Variants in MTIF2 observed in about 807,000 individuals in gnomAD.
MTIF2 encodes translation initiation factor IF-2, mitochondrial.
MTIF2 carries 71 observed loss-of-function variants against 83.5 expected under a neutral mutation model. That is an observed-to-expected ratio of 0.85 (90% confidence interval 0.70 to 1.04). The LOEUF (loss-of-function observed/expected upper bound fraction) is 1.04. Ranked by LOEUF, MTIF2 falls within the 50% of genes least tolerant of loss-of-function variation. The probability of loss-of-function intolerance (pLI) is 0.00; values close to 1 mark genes in which losing one functional copy is unlikely to be tolerated. For synonymous variants in MTIF2, 319 were observed against 287.1 expected, an observed-to-expected ratio of 1.11 and a Z score of -1.12; for missense variants, 957 against 846.5, an observed-to-expected ratio of 1.13 and a Z score of -1.62.
rs1221864323 is a variant in MTIF2 at position 55,252,546 on chromosome 2, C to T, written c.772G>A (p.Val258Ile). Residue 258 changes from valine to isoleucine, a missense_variant, in exon 8 of 16, where the codon GTT (valine) becomes ATT (isoleucine). Val to Ile is a conservative substitution (Grantham distance 29, BLOSUM62 3). This residue lies in a region of MTIF2 where 733 missense variants were observed against 648.7 expected (regional missense o/e 1.13). Coordinates refer to ENST00000263629, the MANE Select transcript of MTIF2 (RefSeq NM_002453.3). The stretch of plus-strand genomic sequence containing the variant: ...ATCACTCCATCATCTGCAGCTACAA[C>T]CAATACGACAATGTCAGTGACCTGA... ...GAQVTDIVVL[V>I]VAADDGVMKQ... The T allele has an allele frequency of 6.2e-7, 1 of 1,614,102 alleles. No homozygotes were observed. Among genetic ancestry groups the T allele is most frequent in the Non-Finnish European group, 8.5e-7 (1 of 1,179,974 alleles).
At chr2:55,253,504 C>T (rs755603761) in intron 7 of MTIF2, among the ~76,000 whole-genome samples, 3 of 151,912 alleles carry the variant, frequency 2.0e-5, no homozygotes, top group Non-Finnish European at 4.4e-5. Flanking sequence ...CATGGCAAAA[C>T]CCCGTCTCTA....
intron 3 of MTIF2, chr2:55,266,405 A>T (rs1678429672): frequency 6.6e-6 from 1 of 151,936 alleles, no homozygotes; most frequent in Admixed American, 6.6e-5. Context: ...ACATGCCTGT[A>T]GTCCCAGCTA....
intron 5 of MTIF2, among the ~76,000 whole-genome samples, chr2:55,255,913 G>A (rs1379878731): frequency 6.6e-6 from 1 of 151,258 alleles, no homozygotes; most frequent in African/African-American, 2.4e-5. Flanking sequence ...TTTCGCTTTT[G>A]TTACCCAGGC....
intron 9 of MTIF2, among the ~76,000 whole-genome samples, chr2:55,248,504 A>C (rs570599672): frequency 4.6e-5 from 7 of 152,196 alleles, no homozygotes; most frequent in Admixed American, 1.3e-4. Context: ...CGGACAAAAA[A>C]GGAAATTGTC....
At chr2:55,256,328 A>AAT (rs1553373594) in intron 5 of MTIF2, among the ~76,000 whole-genome samples, 7 of 138,668 alleles carry the variant, frequency 5.0e-5, no homozygotes, top group African/African-American at 1.5e-4. Context: ...ACACACACAC[A>AAT]ATATATATCT....
intron 3 of MTIF2, among the ~76,000 whole-genome samples, chr2:55,266,711 C>G (rs1415968172): frequency 1.4e-5 from 2 of 145,686 alleles, no homozygotes; most frequent in Non-Finnish European, 3.0e-5. Context: ...AATTAAGGCT[C>G]TGGACGGGTG....
intron 10 of MTIF2, among the ~76,000 whole-genome samples, 190 bp from the exon 11 acceptor site, chr2:55,244,423 A>C (rs779754999): frequency 2.0e-5 from 3 of 152,226 alleles, no homozygotes; most frequent in Non-Finnish European, 4.4e-5. Flanking sequence ...CTGCAATCCC[A>C]GCTATTCAGC....
Position 55,240,020 on chromosome 2 carries a change from G to C in MTIF2, c.1861C>G (p.His621Asp). The C allele has an allele frequency of 1.2e-6, 2 of 1,608,730 alleles. No individual in the cohort carries two copies. The highest frequency in any genetic ancestry group is 1.7e-6 in the Non-Finnish European group (2 of 1,176,984). ...SSRLPCAVEE[H>D]PVGEASILAT... ...TTCAGTGATCACTCACCTACTGGGT[G>C]CTCTTCCACAGCACAGGGTAATCTG... Residue 621 changes from histidine to aspartate, a missense_variant, in exon 14 of 16, where the codon CAC (histidine) becomes GAC (aspartate). This residue lies in a region of MTIF2 where 221 missense variants were observed against 180.6 expected (regional missense o/e 1.22). Coordinates refer to ENST00000263629, the MANE Select transcript of MTIF2 (RefSeq NM_002453.3).
In MTIF2 at chr2:55,244,008, T is replaced by C. The variant is rs1475691290; in HGVS notation, c.1311+21A>G. On this transcript the variant is annotated intron_variant, in intron 11 of 15. Coordinates refer to ENST00000263629, the MANE Select transcript of MTIF2 (RefSeq NM_002453.3). ...AAATCATTATATTATATCTAATATA[T>C]AGGAATTAAGCTTGATACACCTCAG... The C allele has an allele frequency of 3.2e-6, 5 of 1,576,076 alleles. No homozygotes were observed. In the East Asian group the frequency reaches 6.7e-5, roughly 21 times the overall value.
At chr2:55,265,877 T>A (rs1355593875) in intron 3 of MTIF2, among the ~76,000 whole-genome samples, 1 of 152,218 alleles carries the variant, frequency 6.6e-6, no homozygotes, top group African/African-American at 2.4e-5. Flanking sequence ...GATGGTTCTG[T>A]CTCTACTGAA....
In MTIF2 at chr2:55,250,837, C is replaced by T. The variant is rs574872027; in HGVS notation, c.842-1303G>A. The stretch of plus-strand genomic sequence containing the variant: ...CTATTACGAAAAAGTACATTCTGGC[C>T]GGGCACGGTGGCTCATACCTGTAAT... On this transcript the variant is annotated intron_variant, in intron 8 of 15. Transcript: ENST00000263629. 1.8e-4 allele frequency among the ~76,000 whole-genome samples: 28 copies of T among 152,088 alleles called. No homozygotes were observed. The South Asian group carries it at 2.5e-3, about 14-fold the overall frequency.
intron 3 of MTIF2, chr2:55,266,352 C>T (rs1363486715): frequency 2.6e-5 from 4 of 151,714 alleles, no homozygotes; most frequent in Non-Finnish European, 4.4e-5. Flanking sequence ...GGTGAAACCC[C>T]GTCTCTATTA....
chr2:55,268,182 G>A (rs1678578779), intron 2 of MTIF2, among the ~76,000 whole-genome samples: 1 of 152,178 alleles, frequency 6.6e-6, no homozygotes, highest in South Asian at 2.1e-4. Context: ...GAACCCAGGA[G>A]GCAGAGACTG....
chr2:55,247,201 A>G (rs534206765), intron 9 of MTIF2, among the ~76,000 whole-genome samples: 1 of 152,326 alleles, frequency 6.6e-6, no homozygotes, highest in East Asian at 1.9e-4. Flanking sequence ...ACTGATAGGC[A>G]AGGTATTTTT....
chr2:55,259,848 G>T (rs1442284155), intron 5 of MTIF2, among the ~76,000 whole-genome samples: 1 of 152,078 alleles, frequency 6.6e-6, no homozygotes, highest in Non-Finnish European at 1.5e-5. Context: ...GGAGGCTGAG[G>T]CACAAGAATT....
Position 55,246,475 on chromosome 2 carries a change from A to G in MTIF2, c.982-14T>C. On this transcript the variant is annotated splice_polypyrimidine_tract_variant and intron_variant, in intron 9 of 15. Transcript: ENST00000263629. ...CAGATTATCGCCCTTTAACAATAAC[A>G]AACGTTGTTAATACACATTAATAAA... 1 of 1,606,774 alleles carries G rather than the reference A, an allele frequency of 6.2e-7. No homozygotes were observed. Among genetic ancestry groups the G allele is most frequent in the Non-Finnish European group, 8.5e-7 (1 of 1,173,716 alleles).
Position 55,237,390 on chromosome 2 carries a change from C to T in MTIF2, c.1909G>A (p.Gly637Arg), listed in dbSNP as rs1333601688. ...SILATFSVTE[G>R]KKKVPVAGCR... is the part of the protein sequence containing the mutation. ...CCAGCCACAGGAACTTTTTTCTTCC[C>T]TTCTGTTACAGAGAAGGTAGCTAGT... Residue 637 changes from glycine to arginine, a missense_variant, in exon 15 of 16, where the codon GGG (glycine) becomes AGG (arginine). Physicochemically the swap from Gly to Arg is moderately radical, Grantham distance 125. Around this residue, in one of 3 missense-constraint regions of MTIF2, gnomAD observed 221 missense variants for 180.6 expected, o/e 1.22. Coordinates refer to ENST00000263629, the MANE Select transcript of MTIF2 (RefSeq NM_002453.3). 2 of 1,612,746 alleles carry T rather than the reference C, an allele frequency of 1.2e-6. No individual in the cohort carries two copies. Among genetic ancestry groups the T allele is most frequent in the Non-Finnish European group, 1.7e-6 (2 of 1,179,912 alleles).
At chr2:55,257,899 C>A (rs908076405) in intron 5 of MTIF2, among the ~76,000 whole-genome samples, 1 of 152,144 alleles carries the variant, frequency 6.6e-6, no homozygotes, top group Non-Finnish European at 1.5e-5. Context: ...AGGCAGTCCT[C>A]CCACCTCAGC....
intron 14 of MTIF2, among the ~76,000 whole-genome samples, chr2:55,239,320 C>A (rs1676128042): frequency 6.6e-6 from 1 of 152,124 alleles, no homozygotes; most frequent in Non-Finnish European, 1.5e-5. Context: ...CACTATATCT[C>A]AAACATTTTC....
Sources: allele counts gnomAD v4.1 joint callset (sites outside exome capture counted in the v4.1 genomes callset), GRCh38; gene constraint gnomAD v4.1.1; regional missense constraint gnomAD v4.1.1; transcripts MANE v1.5; gene names NCBI Gene and HGNC (gene_info 2026-07-23, HGNC 2026-07-21).